ROBO1: variants seen among roughly 807,000 people sequenced by gnomAD.
ROBO1 encodes roundabout homolog 1.
In ROBO1, 149 loss-of-function variants were observed where a neutral mutation model predicts 195.9. That is an observed-to-expected ratio of 0.76 (90% CI 0.67 to 0.87). The LOEUF (loss-of-function observed/expected upper bound fraction) is 0.87. Ranked by LOEUF, ROBO1 falls within the 40% of genes least tolerant of loss-of-function variation. The pLI is 0.00. For missense variants in ROBO1, 1,933 were observed against 2,068.3 expected (o/e 0.93, Z 1.27); for synonymous variants, 816 against 733.2 (o/e 1.11, Z -1.82).
chr3:79,002,083 G>A (rs1367512259), intron 3 of ROBO1, among the ~76,000 whole-genome samples: 1 of 152,064 alleles, frequency 6.6e-6, no homozygotes, highest in Non-Finnish European at 1.5e-5. Flanking sequence ...AGTGACAAGA[G>A]ACTATAGATA....
Position 78,606,901 on chromosome 3 carries a change from C to A in ROBO1, c.4576G>T (p.Gly1526Ter). 6.2e-7 allele frequency: 1 copy of A among 1,613,852 alleles called. No individual in the cohort carries two copies. The highest frequency in any genetic ancestry group is 8.5e-7 in the Non-Finnish European group (1 of 1,179,876). Residue 1526 changes from glycine (G) to a stop codon, truncating the protein, a stop_gained, in exon 29 of 31, where the codon GGA becomes TGA. Transcript: ENST00000464233. LOFTEE classifies it high-confidence loss of function. ...ARTDRSSDRKGSSYKGREVLD... is the reference protein window; with the variant it reads ...ARTDRSSDRK ...ACTTCTCTCCCCTTGTAACTGCTTC[C>A]TTTTCTGTCTGATGATCTGTCTGTT...
At chr3:79,410,275 A>G (rs1282354663) in intron 2 of ROBO1, among the ~76,000 whole-genome samples, 1 of 152,204 alleles carries the variant, frequency 6.6e-6, no homozygotes, top group African/African-American at 2.4e-5. Flanking sequence ...ACAAGCAAAA[A>G]GTTATAATAA....
intron 4 of ROBO1, among the ~76,000 whole-genome samples, chr3:78,769,153 G>T (rs2108413690): frequency 6.6e-6 from 1 of 152,220 alleles, no homozygotes; most frequent in Non-Finnish European, 1.5e-5. Context: ...AGTGCTGTCA[G>T]TGGAGTATTG....
At chr3:79,077,871 G>A (rs1018173144) in intron 3 of ROBO1, among the ~76,000 whole-genome samples, 6 of 151,772 alleles carry the variant, frequency 4.0e-5, no homozygotes, top group African/African-American at 9.7e-5. Flanking sequence ...AAGTACTCAC[G>A]TTTTAAGATT....
rs868435109 is a variant in ROBO1 at position 79,584,280 on chromosome 3, T to A, written c.88+5544A>T. ...TATATATATATATATATATATATATTACTACATATATATATATGCTGTTAC... is the reference window on the plus strand; with the variant it reads ...TATATATATATATATATATATATATAACTACATATATATATATGCTGTTAC... On this transcript the variant is annotated intron_variant, in intron 2 of 30. Transcript: ENST00000464233. Among the ~76,000 whole-genome samples, 150 of 141,768 alleles carry A rather than the reference T, an allele frequency of 1.1e-3. 3 individuals carry two copies. In the South Asian group the frequency reaches 0.024, roughly 23 times the overall value. 93.0% of individuals were successfully genotyped at this position (141,768 alleles called of 152,430 possible).
intron 1 of ROBO1, among the ~76,000 whole-genome samples, chr3:79,610,961 G>C (rs1944639127): frequency 6.6e-6 from 1 of 151,990 alleles, no homozygotes; most frequent in Non-Finnish European, 1.5e-5. Flanking sequence ...TCATATGGTA[G>C]AAAACAAAGC....
At chr3:78,856,258 C>T (rs1329503486) in intron 4 of ROBO1, among the ~76,000 whole-genome samples, 3 of 123,020 alleles carry the variant, frequency 2.4e-5, no homozygotes, top group Admixed American at 8.9e-5. Context: ...TTGAGAGGTA[C>T]ATTTAACCTA....
intron 1 of ROBO1, among the ~76,000 whole-genome samples, chr3:79,595,018 C>A (rs528447455): frequency 1.3e-5 from 2 of 151,804 alleles, no homozygotes; most frequent in South Asian, 4.2e-4. Flanking sequence ...TGTATAGAAC[C>A]ATGCAAACTC....
chr3:79,019,071 G>C (rs1374089685), intron 3 of ROBO1: 1 of 989,638 alleles, frequency 1.0e-6, no homozygotes, highest in Non-Finnish European at 1.2e-6. Flanking sequence ...TGCGGCGACA[G>C]CGGCTGCCTG....
At position 78,984,921 on chromosome 3, in the gene ROBO1, C is replaced by A. The variant is rs566635527; in HGVS notation, c.173-45994G>T. Among the ~76,000 whole-genome samples, 8 of 152,282 alleles carry A rather than the reference C, an allele frequency of 5.3e-5. No individual in the cohort carries two copies. The South Asian group carries it at 1.7e-3, about 32-fold the overall frequency. The stretch of plus-strand genomic sequence containing the variant: ...CTCTACCACTTGTGAGACAGCAAGG[C>A]CAACCCCTCCTCTTTCTCCTCCTCC... On this transcript the variant is annotated intron_variant, in intron 3 of 30. Transcript: ENST00000464233.
At chr3:79,387,544 G>C (rs548482016) in intron 2 of ROBO1, among the ~76,000 whole-genome samples, 1 of 151,596 alleles carries the variant, frequency 6.6e-6, no homozygotes, top group Non-Finnish European at 1.5e-5. Flanking sequence ...ATCATGGTTA[G>C]CAAGTCTTTT....
At chr3:78,987,613 C>T (rs780192812) in intron 3 of ROBO1, among the ~76,000 whole-genome samples, 8 of 151,830 alleles carry the variant, frequency 5.3e-5, no homozygotes, top group Non-Finnish European at 8.8e-5. Context: ...GAGGTAAAAG[C>T]CATGAGGTGT....
chr3:78,730,793 A>G (rs183537778), intron 5 of ROBO1, among the ~76,000 whole-genome samples: 2 of 152,286 alleles, frequency 1.3e-5, no homozygotes, highest in East Asian at 1.9e-4. Context: ...AATAAATCCC[A>G]TATCTTCCAA....
chr3:79,078,940 T>C (rs1378394567), intron 3 of ROBO1, among the ~76,000 whole-genome samples: 1 of 151,788 alleles, frequency 6.6e-6, no homozygotes, highest in Non-Finnish European at 1.5e-5. Context: ...CTCTATTATA[T>C]TGAATTCACA....
intron 3 of ROBO1, among the ~76,000 whole-genome samples, chr3:79,000,070 G>T (rs4340666): frequency 6.6e-6 from 1 of 152,006 alleles, no homozygotes; most frequent in Non-Finnish European, 1.5e-5. Flanking sequence ...CTGCTATGAA[G>T]ACCTACCTGA....
In ROBO1 at chr3:78,615,425, G is replaced by T. The variant is rs182960375; in HGVS notation, c.4283-625C>A. Reference sequence around the variant, plus strand: ...TGGATACTTAACGTGATCCCTCCAAGACTTCTGTTTTTTTTGGTGGTGGAA... The same window carrying T: ...TGGATACTTAACGTGATCCCTCCAATACTTCTGTTTTTTTTGGTGGTGGAA... On this transcript the variant is annotated intron_variant, in intron 27 of 30. Coordinates refer to ENST00000464233, the MANE Select transcript of ROBO1 (RefSeq NM_002941.4). 2.4e-4 allele frequency among the ~76,000 whole-genome samples: 36 copies of T among 152,240 alleles called. No homozygotes were observed. In the East Asian group the frequency reaches 6.4e-3, roughly 27 times the overall value.
intron 2 of ROBO1, among the ~76,000 whole-genome samples, chr3:79,518,638 T>C (rs1941058138): frequency 6.6e-6 from 1 of 152,092 alleles, no homozygotes; most frequent in Non-Finnish European, 1.5e-5. Flanking sequence ...GCTTTTTCTA[T>C]ATTATGCATA....
At chr3:79,053,058 G>C (rs1384346159) in intron 3 of ROBO1, among the ~76,000 whole-genome samples, 1 of 152,072 alleles carries the variant, frequency 6.6e-6, no homozygotes, top group African/African-American at 2.4e-5. Flanking sequence ...CTTAGATGTA[G>C]AACTATGGGA....
At chr3:79,444,704 C>T (rs1053149920) in intron 2 of ROBO1, among the ~76,000 whole-genome samples, 2 of 151,440 alleles carry the variant, frequency 1.3e-5, no homozygotes, top group African/African-American at 2.4e-5. Context: ...TAAATAATGG[C>T]GAATCAAATG....
Sources: allele counts gnomAD v4.1 joint callset (sites outside exome capture counted in the v4.1 genomes callset), GRCh38; gene constraint gnomAD v4.1.1; transcripts MANE v1.5; gene names NCBI Gene and HGNC (gene_info 2026-07-23, HGNC 2026-07-21).